Variants in TRPV1 observed in about 807,000 individuals in gnomAD.
TRPV1 encodes transient receptor potential cation channel subfamily V member 1.
A neutral mutation model predicts 82.3 loss-of-function variants in TRPV1; 82 were observed. The observed-to-expected ratio is 1.00, with a 90% CI of 0.83 to 1.20. TRPV1 has a LOEUF of 1.20. Ranked by LOEUF, TRPV1 falls within the 50% of genes most tolerant of loss-of-function variation. The pLI is 0.00. For synonymous variants in TRPV1, 515 were observed against 467.7 expected (o/e 1.10, Z -1.30); for missense variants, 1,067 against 1,096.8 (o/e 0.97, Z 0.38).
Position 3,591,059 on chromosome 17 carries a change from T to C in TRPV1, c.509A>G (p.Gln170Arg). The change falls in exon 5 of 17, where the codon CAG becomes CGG. Residue 170 changes from glutamine (Q) to arginine (R), a missense_variant. Coordinates refer to ENST00000572705, the MANE Select transcript of TRPV1 (RefSeq NM_080704.4). ...CAGGAGCAGGGGGATGGTGGTGTTC[T>C]GTCCGTCGTGCAGGTTGAGCATGGC... ...LKAMLNLHDG[Q>R]NTTIPLLLEI... 1.5e-5 allele frequency: 25 copies of C among 1,613,212 alleles called. No individual in the cohort carries two copies. Among genetic ancestry groups the C allele is most frequent in the Non-Finnish European group, 2.1e-5 (25 of 1,179,674 alleles).
Position 3,566,718 on chromosome 17 carries a change from C to A in TRPV1, c.*97G>T. The A allele has an allele frequency of 6.8e-7, 1 of 1,465,704 alleles. No homozygotes were observed. The highest frequency in any genetic ancestry group is 2.3e-5 in the East Asian group (1 of 43,122). 90.8% of individuals were successfully genotyped at this position (1,465,704 alleles called of 1,614,324 possible). ...CATGCTGGGCAGGCACAGACCAGGC[C>A]AGGCTGCTGACAGAGCACTGGTGTT... On this transcript the variant is annotated 3_prime_UTR_variant, in exon 17 of 17. Coordinates refer to ENST00000572705, the MANE Select transcript of TRPV1 (RefSeq NM_080704.4).
intron 16 of TRPV1, among the ~76,000 whole-genome samples, chr17:3,567,299 G>GCAC (rs1567654790): frequency 6.7e-6 from 1 of 150,086 alleles, no homozygotes; most frequent in Non-Finnish European, 1.5e-5. Context: ...AACCTGGGAG[G>GCAC]CACAGGCTGC....
chr17:3,582,343 G>A (rs1207432274), intron 10 of TRPV1, among the ~76,000 whole-genome samples: 1 of 151,846 alleles, frequency 6.6e-6, no homozygotes, highest in Non-Finnish European at 1.5e-5. Context: ...CTGCACTCCA[G>A]CCTGGGTGAC....
chr17:3,571,288 C>T lies in TRPV1; in HGVS notation c.2347+236G>A, dbSNP rs1429492370. On this transcript the variant is annotated intron_variant, in intron 16 of 16. Coordinates refer to ENST00000572705, the MANE Select transcript of TRPV1 (RefSeq NM_080704.4). ...GCCTGGGCTGGAGGTGCTGGCACAGCCGCCTGCACGGGCCCAGTGAGCCGT... is the reference window on the plus strand; with the variant it reads ...GCCTGGGCTGGAGGTGCTGGCACAGTCGCCTGCACGGGCCCAGTGAGCCGT... 2.6e-5 allele frequency among the ~76,000 whole-genome samples: 4 copies of T among 152,182 alleles called. No individual in the cohort carries two copies. The South Asian group carries it at 8.3e-4, about 31-fold the overall frequency.
intron 2 of TRPV1, among the ~76,000 whole-genome samples, chr17:3,600,726 C>T (rs2075255208): frequency 6.6e-6 from 1 of 152,222 alleles, no homozygotes; most frequent in African/African-American, 2.4e-5. Context: ...GGGCACAGTG[C>T]CTGCTCAGAG....
At chr17:3,575,485 GAAA>G (rs34777471) in intron 13 of TRPV1, among the ~76,000 whole-genome samples, 1 of 145,792 alleles carries the variant, frequency 6.9e-6, no homozygotes. Flanking sequence ...TCCTTCTCAA[GAAA>G]AAAAAAAAAA....
intron 7 of TRPV1, chr17:3,589,017 G>T: frequency 6.7e-7 from 1 of 1,494,020 alleles, no homozygotes; most frequent in Non-Finnish European, 9.0e-7. Flanking sequence ...CAGATGGGGT[G>T]GCTCATGCCT....
In TRPV1 at chr17:3,586,224, G is replaced by A. The variant is rs1183270998; in HGVS notation, c.1225-298C>T. Reference sequence around the variant, plus strand: ...AATGGCCCACCGCACTGCCCGTTGTGTCTAATAACTCCCTCCCGAGAGCCC... The same window carrying A: ...AATGGCCCACCGCACTGCCCGTTGTATCTAATAACTCCCTCCCGAGAGCCC... On this transcript the variant is annotated intron_variant, in intron 8 of 16. Coordinates refer to ENST00000572705, the MANE Select transcript of TRPV1 (RefSeq NM_080704.4). 3.3e-5 allele frequency among the ~76,000 whole-genome samples: 5 copies of A among 152,204 alleles called. No individual in the cohort carries two copies. In the South Asian group the frequency reaches 6.2e-4, roughly 19 times the overall value.
rs139732992 is a variant in TRPV1 at position 3,607,807 on chromosome 17, G to T, written c.-34+620C>A. 2.9e-3 allele frequency among the ~76,000 whole-genome samples: 442 copies of T among 152,142 alleles called. 2 individuals carry two copies. The highest frequency in any genetic ancestry group is 5.5e-3 in the Non-Finnish European group (373 of 68,004). ...CCGCCTCGGCCTCCCAAAGTGCTGG[G>T]ATTACAGGTGTGAGCCCCCACACCC... On this transcript the variant is annotated intron_variant, in intron 2 of 16. Coordinates refer to ENST00000572705, the MANE Select transcript of TRPV1 (RefSeq NM_080704.4).
chr17:3,594,157 C>CAAA (rs1567673368), intron 2 of TRPV1, among the ~76,000 whole-genome samples: 2 of 111,226 alleles, frequency 1.8e-5, no homozygotes, highest in Admixed American at 8.4e-5. Flanking sequence ...AAAAAAGAAG[C>CAAA]AGCAGCAGCA....
At chr17:3,590,910 C>CA in intron 5 of TRPV1, 54 bp downstream of exon 5, 1 of 1,509,722 alleles carries the variant, frequency 6.6e-7, no homozygotes, top group Non-Finnish European at 8.9e-7. Context: ...ACCATGCCCC[C>CA]CTGCTTCCCG....
At chr17:3,582,934 G>A (rs1462092590) in intron 10 of TRPV1, among the ~76,000 whole-genome samples, 3 of 132,544 alleles carry the variant, frequency 2.3e-5, no homozygotes, top group African/African-American at 8.0e-5. Flanking sequence ...ATGACAAAGC[G>A]AAACTCCACC....
rs1464931824 is a variant in TRPV1, at chr17:3,587,762, G to A, written c.1224+426C>T. On this transcript the variant is annotated intron_variant, in intron 8 of 16. Coordinates refer to ENST00000572705, the MANE Select transcript of TRPV1 (RefSeq NM_080704.4). ...CGGGAGATAGAGGTTGCAGTGAGCCGGGATGGCACCATTTCACTCCAGCCT... is the reference window on the plus strand; with the variant it reads ...CGGGAGATAGAGGTTGCAGTGAGCCAGGATGGCACCATTTCACTCCAGCCT... 2.6e-5 allele frequency among the ~76,000 whole-genome samples: 4 copies of A among 151,670 alleles called. No individual in the cohort carries two copies. The East Asian group carries it at 5.8e-4, about 22-fold the overall frequency.
chr17:3,577,139 G>A lies in TRPV1; in HGVS notation c.1767C>T (p.Phe589=), dbSNP rs9913209. Residue 589 remains phenylalanine, a synonymous_variant, in exon 13 of 17, where the codon TTC becomes TTT. Coordinates refer to ENST00000572705, the MANE Select transcript of TRPV1 (RefSeq NM_080704.4). ...CAAGCTCATTACCTGTGGAAAACCC[G>A]AACAAGAAGACGATGTAGACAAACA... is the stretch of plus-strand genomic sequence containing the variant. ...RFMFVYIVFL[F]GFSTAVVTLI... is the part of the protein sequence containing the mutation. 246 of 1,586,952 alleles carry A rather than the reference G, an allele frequency of 1.6e-4. No homozygotes were observed. In the African/African-American group the frequency reaches 2.6e-3, roughly 17 times the overall value.
At chr17:3,598,223 C>T (rs2075235805) in intron 2 of TRPV1, among the ~76,000 whole-genome samples, 1 of 152,230 alleles carries the variant, frequency 6.6e-6, no homozygotes, top group South Asian at 2.1e-4. Flanking sequence ...GCAGGTCCAG[C>T]CTGGAATAAG....
chr17:3,591,667 G>A (rs2075159920), intron 3 of TRPV1, among the ~76,000 whole-genome samples: 1 of 152,192 alleles, frequency 6.6e-6, no homozygotes, highest in Non-Finnish European at 1.5e-5. Context: ...GACGGAGGGA[G>A]GTGGAGGCAG....
intron 8 of TRPV1, 94 bp from the exon 9 acceptor site, chr17:3,586,020 C>T (rs1266908076): frequency 1.3e-6 from 2 of 1,488,348 alleles, no homozygotes; most frequent in Non-Finnish European, 1.8e-6. Flanking sequence ...GCCATGTGGC[C>T]CGCACAGTCC....
intron 13 of TRPV1, among the ~76,000 whole-genome samples, 183 bp from the exon 14 acceptor site, chr17:3,574,138 T>C (rs1046571057): frequency 6.6e-6 from 1 of 152,218 alleles, no homozygotes; most frequent in Non-Finnish European, 1.5e-5. Context: ...TATCATCATC[T>C]GCTAGAAAAA....
intron 2 of TRPV1, among the ~76,000 whole-genome samples, chr17:3,603,204 C>T (rs1347918002): frequency 2.0e-5 from 3 of 152,064 alleles, no homozygotes; most frequent in Admixed American, 6.6e-5. Flanking sequence ...CACCGGGTGC[C>T]CAAGAGTCTA....
Sources: allele counts gnomAD v4.1 joint callset (sites outside exome capture counted in the v4.1 genomes callset), GRCh38; gene constraint gnomAD v4.1.1; transcripts MANE v1.5; gene names NCBI Gene and HGNC (gene_info 2026-07-23, HGNC 2026-07-21).